The following TSHZ2 variants were observed in gnomAD, a reference collection of about 807,000 sequenced individuals.
The protein encoded by TSHZ2 is teashirt homolog 2.
A neutral mutation model predicts 74.4 loss-of-function variants in TSHZ2; 21 were observed. The observed-to-expected ratio is 0.28, with a 90% CI of 0.20 to 0.41. The LOEUF is 0.41. Among genes scored for constraint, TSHZ2 ranks in the 10% least tolerant of loss-of-function variants. TSHZ2 has a pLI of 1.00. For missense variants in TSHZ2, 1,244 were observed against 1,293.5 expected, an observed-to-expected ratio of 0.96 and a Z score of 0.59; for synonymous variants, 540 against 515.3, an observed-to-expected ratio of 1.05 and a Z score of -0.65.
chr20:53,209,625 CAGAG>C (rs1989253643), intron 1 of TSHZ2, among the ~76,000 whole-genome samples: 2 of 152,210 alleles, frequency 1.3e-5, no homozygotes, highest in Admixed American at 1.3e-4. Context: ...GAGTGCTAAT[CAGAG>C]AGCCCTCCCA....
At chr20:53,109,052 C>A (rs1461622580) in intron 1 of TSHZ2, among the ~76,000 whole-genome samples, 1 of 138,306 alleles carries the variant, frequency 7.2e-6, no homozygotes, top group African/African-American at 2.5e-5. Flanking sequence ...AATTCCCACC[C>A]TCTCATCTCC....
chr20:53,444,632 C>T (rs62206371), intron 2 of TSHZ2, among the ~76,000 whole-genome samples: 10,961 of 152,258 alleles, frequency 0.072, 536 homozygotes, highest in Non-Finnish European at 0.11. Context: ...CACTGAAAGC[C>T]TCCTCAACTG....
intron 1 of TSHZ2, among the ~76,000 whole-genome samples, chr20:53,200,720 G>A (rs1988984333): frequency 6.6e-6 from 1 of 152,034 alleles, no homozygotes; most frequent in African/African-American, 2.4e-5. Context: ...AACTATAGTT[G>A]GTACCGACCA....
intron 2 of TSHZ2, among the ~76,000 whole-genome samples, chr20:53,484,960 G>T (rs749208547): frequency 3.3e-5 from 5 of 152,142 alleles, no homozygotes; most frequent in Non-Finnish European, 7.4e-5. Flanking sequence ...TAGGTTCAGT[G>T]TTTTTTCTCA....
rs1433999515 is a variant in TSHZ2, at chr20:53,493,714, T to G, written c.*6579T>G. Reference sequence around the variant, plus strand: ...AAAACCATGTTTCACTTCTTTTTGATGATTATAAATTGTCCTTGCAATGAA... The same window carrying G: ...AAAACCATGTTTCACTTCTTTTTGAGGATTATAAATTGTCCTTGCAATGAA... On this transcript the variant is annotated 3_prime_UTR_variant, in exon 3 of 3. Transcript: ENST00000371497. The G allele has an allele frequency of 2.6e-5, 4 of 151,892 alleles. No individual in the cohort carries two copies. The highest frequency in any genetic ancestry group is 9.7e-5 in the African/African-American group (4 of 41,334). The allele number at this position is 151,892 out of a possible 1,614,324, so 9.4% of individuals were successfully genotyped here. A position where few individuals can be genotyped will look rare whatever the true frequency, so the allele number is the denominator to read the frequency against.
Position 53,492,182 on chromosome 20 carries a change from A to G in TSHZ2, c.*5047A>G, listed in dbSNP as rs1200825355. 1.3e-5 allele frequency: 2 copies of G among 152,190 alleles called. No homozygotes were observed. The highest frequency in any genetic ancestry group is 4.8e-5 in the African/African-American group (2 of 41,460). The allele number at this position is 152,190 out of a possible 1,614,324, so 9.4% of individuals were successfully genotyped here. ...TGCATTTAGATATCAGTCCCCTGCC[A>G]ATAGCTAATATTAACAGAATTTGAA... On this transcript the variant is annotated 3_prime_UTR_variant, in exon 3 of 3. Transcript: ENST00000371497.
chr20:53,301,949 C>T (rs1978333985), intron 2 of TSHZ2, among the ~76,000 whole-genome samples: 1 of 152,166 alleles, frequency 6.6e-6, no homozygotes, highest in Non-Finnish European at 1.5e-5. Flanking sequence ...GAGAACTTTC[C>T]TTGAAAAGGA....
At chr20:53,429,573 C>T (rs1412495605) in intron 2 of TSHZ2, among the ~76,000 whole-genome samples, 1 of 152,178 alleles carries the variant, frequency 6.6e-6, no homozygotes, top group Non-Finnish European at 1.5e-5. Context: ...GATTGTGAGG[C>T]CTCCTCAGCC....
At chr20:53,235,274 C>A (rs746834260) in intron 1 of TSHZ2, among the ~76,000 whole-genome samples, 1 of 151,914 alleles carries the variant, frequency 6.6e-6, no homozygotes, top group Non-Finnish European at 1.5e-5. Flanking sequence ...TTCAAGTGAT[C>A]CTCCCACCTC....
At chr20:53,231,928 A>T (rs536144860) in intron 1 of TSHZ2, among the ~76,000 whole-genome samples, 8 of 152,330 alleles carry the variant, frequency 5.3e-5, no homozygotes, top group African/African-American at 1.9e-4. Context: ...TCTGTTGCCC[A>T]GGCTGGAGTG....
At chr20:53,292,603 A>G (rs1019462973) in intron 2 of TSHZ2, among the ~76,000 whole-genome samples, 5 of 151,898 alleles carry the variant, frequency 3.3e-5, no homozygotes, top group African/African-American at 1.2e-4. Context: ...GTGCACCACC[A>G]TGGCCAGATT....
At chr20:53,312,300 C>T (rs961135344) in intron 2 of TSHZ2, among the ~76,000 whole-genome samples, 5 of 152,146 alleles carry the variant, frequency 3.3e-5, no homozygotes, top group South Asian at 2.1e-4. Context: ...GACATTGTAA[C>T]GGAGGCTGCC....
At chr20:53,136,779 A>G (rs185454239) in intron 1 of TSHZ2, among the ~76,000 whole-genome samples, 1 of 152,172 alleles carries the variant, frequency 6.6e-6, no homozygotes, top group East Asian at 1.9e-4. Flanking sequence ...AAGGCATCAC[A>G]TTACACCATT....
chr20:53,025,811 A>G (rs1175616169), intron 1 of TSHZ2, among the ~76,000 whole-genome samples: 1 of 152,214 alleles, frequency 6.6e-6, no homozygotes, highest in African/African-American at 2.4e-5. Flanking sequence ...AAAATGTAAT[A>G]TGAGCTTCCA....
intron 2 of TSHZ2, among the ~76,000 whole-genome samples, chr20:53,468,929 G>A (rs1460641886): frequency 1.3e-5 from 2 of 149,342 alleles, no homozygotes; most frequent in Non-Finnish European, 1.5e-5. Context: ...TATTCTTCAA[G>A]GGTCTGATGA....
At chr20:53,307,921 T>G (rs752837123) in intron 2 of TSHZ2, among the ~76,000 whole-genome samples, 2 of 152,220 alleles carry the variant, frequency 1.3e-5, no homozygotes, top group Non-Finnish European at 2.9e-5. Flanking sequence ...CCAGATCCTC[T>G]GTAGCCAGAG....
At chr20:53,379,954 C>G (rs1454570933) in intron 2 of TSHZ2, among the ~76,000 whole-genome samples, 1 of 152,174 alleles carries the variant, frequency 6.6e-6, no homozygotes, top group Non-Finnish European at 1.5e-5. Flanking sequence ...GGAAAAAAGA[C>G]TTGGAAAGGA....
rs1219798290 is a variant in TSHZ2 at position 53,190,120 on chromosome 20, TA to T, written c.41-63378del. On this transcript the variant is annotated intron_variant, in intron 1 of 2. Coordinates refer to ENST00000371497, the MANE Select transcript of TSHZ2 (RefSeq NM_173485.6). ...ATATATATATATATATATATATATATATATATATATATATATATTTTCTTAA... is the reference window on the plus strand; with the variant it reads ...ATATATATATATATATATATATATATTATATATATATATATATTTTCTTAA... 1.8e-4 allele frequency among the ~76,000 whole-genome samples: 17 copies of T among 92,064 alleles called. 2 individuals are homozygous for T. The highest frequency in any genetic ancestry group is 7.4e-4 in the African/African-American group (16 of 21,686). The allele number at this position is 92,064 out of a possible 152,430, so 60.4% of individuals were successfully genotyped here. A position where few individuals can be genotyped will look rare whatever the true frequency, so the allele number is the denominator to read the frequency against.
chr20:53,021,148 C>T (rs1192551736), intron 1 of TSHZ2, among the ~76,000 whole-genome samples: 1 of 152,164 alleles, frequency 6.6e-6, no homozygotes, highest in Non-Finnish European at 1.5e-5. Context: ...CCCAGCCCTT[C>T]CCCTAACGCT....
Sources: gnomAD v4.1 joint callset for allele counts (sites outside exome capture counted in the v4.1 genomes callset) on GRCh38, gnomAD v4.1.1 for gene constraint, MANE v1.5 for transcripts, NCBI Gene and HGNC (gene_info 2026-07-23, HGNC 2026-07-21) for gene names.